The following RGS7 variants were observed in gnomAD, a reference collection of about 807,000 sequenced individuals.
The protein encoded by RGS7 is regulator of G protein signaling 7, also known as regulator of G-protein signaling 7.
Under a neutral mutation model 81.1 loss-of-function variants are expected in RGS7, and 27 were observed. That is an observed-to-expected ratio of 0.33 (90% CI 0.25 to 0.46). The LOEUF (loss-of-function observed/expected upper bound fraction) is 0.46. Among genes scored for constraint, RGS7 ranks in the 20% least tolerant of loss-of-function variants. The probability of loss-of-function intolerance (pLI) is 1.00; values close to 1 mark genes in which losing one functional copy is unlikely to be tolerated. For missense variants in RGS7, 396 were observed against 607.4 expected (o/e 0.65, Z 3.66); for synonymous variants, 208 against 207.7 (o/e 1.00, Z -0.01).
intron 2 of RGS7, among the ~76,000 whole-genome samples, chr1:241,112,478 CA>C (rs1187406621): frequency 1.6e-4 from 25 of 152,048 alleles, no homozygotes; most frequent in Non-Finnish European, 2.9e-5. Context: ...GAAGGTAGGG[CA>C]AAAGCACTTT....
At chr1:240,798,979 A>G (rs539756168) in intron 18 of RGS7, among the ~76,000 whole-genome samples, 49 of 152,232 alleles carry the variant, frequency 3.2e-4, no homozygotes, top group African/African-American at 1.1e-3. Context: ...CTCATTCTTT[A>G]TCTTCCATTA....
intron 9 of RGS7, among the ~76,000 whole-genome samples, chr1:240,836,610 T>C (rs556699542): frequency 2.5e-4 from 38 of 152,338 alleles, no homozygotes; most frequent in South Asian, 2.3e-3. Flanking sequence ...CCCTGGGTTG[T>C]ATTTACATAC....
intron 6 of RGS7, chr1:240,920,704 T>C: frequency 1.5e-6 from 1 of 653,172 alleles, no homozygotes. Context: ...CCAAGCACAG[T>C]GGTGGCAGGG....
At chr1:241,128,410 C>T (rs2066839806) in intron 2 of RGS7, among the ~76,000 whole-genome samples, 1 of 151,888 alleles carries the variant, frequency 6.6e-6, no homozygotes, top group African/African-American at 2.4e-5. Context: ...ATGGTAAAAC[C>T]CTGTCTCTAC....
intron 18 of RGS7, among the ~76,000 whole-genome samples, chr1:240,787,786 G>A (rs951914717): frequency 2.0e-5 from 3 of 152,074 alleles, no homozygotes; most frequent in South Asian, 2.1e-4. Flanking sequence ...AACAATGAAC[G>A]AAGAAACCTA....
rs2078884219 is a variant in RGS7 at position 241,287,567 on chromosome 1, T to TTTATTACCTGA, written c.78+68131_78+68132insTCAGGTAATAA. ...TTTATAAATTACCCAGCCTCAGGTA[T>TTTATTACCTGA]GTCTTTATTAGCAGTGTGAAAACAG... is the stretch of plus-strand genomic sequence containing the variant. On this transcript the variant is annotated intron_variant, in intron 2 of 18. Coordinates refer to ENST00000440928, the MANE Select transcript of RGS7 (RefSeq NM_001364886.1). Among the ~76,000 whole-genome samples, 3 of 152,318 alleles carry TTTATTACCTGA rather than the reference T, an allele frequency of 2.0e-5. No homozygotes were observed. In the South Asian group the frequency reaches 6.2e-4, roughly 32 times the overall value.
intron 2 of RGS7, among the ~76,000 whole-genome samples, chr1:241,296,348 A>G (rs2079425006): frequency 6.6e-6 from 1 of 152,228 alleles, no homozygotes; most frequent in Admixed American, 6.5e-5. Context: ...AAACACCAAC[A>G]AGAGAGTCAC....
intron 3 of RGS7, among the ~76,000 whole-genome samples, chr1:241,038,980 G>GA (rs11333892): frequency 6.6e-5 from 10 of 150,676 alleles, no homozygotes; most frequent in Admixed American, 1.3e-4. Flanking sequence ...GAAATAGAAA[G>GA]AAAAAAAAGA....
At chr1:241,235,595 TC>T (rs2075889247) in intron 2 of RGS7, among the ~76,000 whole-genome samples, 2 of 126,170 alleles carry the variant, frequency 1.6e-5, no homozygotes, top group Non-Finnish European at 3.5e-5. Context: ...CTTTCTTTCT[TC>T]CTTTATTTTT....
intron 4 of RGS7, among the ~76,000 whole-genome samples, chr1:240,974,664 C>A (rs1683789762): frequency 1.3e-5 from 2 of 152,012 alleles, no homozygotes; most frequent in African/African-American, 2.4e-5. Flanking sequence ...CAGCTCATGG[C>A]AAAGAAAAGC....
chr1:240,858,977 G>T (rs965178309), intron 9 of RGS7, among the ~76,000 whole-genome samples: 1 of 152,060 alleles, frequency 6.6e-6, no homozygotes, highest in Admixed American at 6.6e-5. Flanking sequence ...TGTTTGCTTT[G>T]GGTATTGGGG....
At chr1:241,087,974 C>A (rs12569296) in intron 3 of RGS7, among the ~76,000 whole-genome samples, 26,986 of 113,028 alleles carry the variant, frequency 0.24, 2,806 homozygotes, top group East Asian at 0.37. Context: ...CTCTCTCTCT[C>A]TCTATATATA....
chr1:241,032,048 C>T (rs1240060885), intron 3 of RGS7, among the ~76,000 whole-genome samples: 1 of 152,210 alleles, frequency 6.6e-6, no homozygotes, highest in Non-Finnish European at 1.5e-5. Context: ...GAATTCTTTG[C>T]CTACGGCAAT....
At chr1:240,940,625 A>C (rs1380995064) in intron 4 of RGS7, among the ~76,000 whole-genome samples, 1 of 152,238 alleles carries the variant, frequency 6.6e-6, no homozygotes, top group Non-Finnish European at 1.5e-5. Context: ...AGATACAAGA[A>C]GGGAAAACTG....
intron 10 of RGS7, among the ~76,000 whole-genome samples, chr1:240,826,289 G>C (rs561062336): frequency 6.6e-6 from 1 of 152,268 alleles, no homozygotes; most frequent in East Asian, 1.9e-4. Flanking sequence ...GACCATATTG[G>C]GGCCTTTGAA....
rs185855006 is a variant in RGS7, at chr1:240,778,538, T to G, written c.*7-2325A>C. ...GAAGATATTAAAGTGGTTTTTGTTT[T>G]GTTTTGTTTTTTTGAGACGGAGTCT... On this transcript the variant is annotated intron_variant, in intron 18 of 18. Coordinates refer to ENST00000440928, the MANE Select transcript of RGS7 (RefSeq NM_001364886.1). Among the ~76,000 whole-genome samples, 6 of 152,272 alleles carry G rather than the reference T, an allele frequency of 3.9e-5. No individual in the cohort carries two copies. The East Asian group carries it at 1.2e-3, about 29-fold the overall frequency.
intron 2 of RGS7, among the ~76,000 whole-genome samples, chr1:241,289,897 C>T (rs1363876835): frequency 2.0e-5 from 3 of 152,092 alleles, no homozygotes; most frequent in Non-Finnish European, 4.4e-5. Context: ...ATGTGGTCCA[C>T]AGCATCACCT....
chr1:241,005,003 G>A (rs920523394), intron 3 of RGS7, among the ~76,000 whole-genome samples: 10 of 152,224 alleles, frequency 6.6e-5, no homozygotes, highest in Admixed American at 5.2e-4. Flanking sequence ...CAATTCCAAC[G>A]TGGTAAGTGC....
At chr1:241,276,997 G>C (rs1210252252) in intron 2 of RGS7, among the ~76,000 whole-genome samples, 1 of 152,210 alleles carries the variant, frequency 6.6e-6, no homozygotes, top group Non-Finnish European at 1.5e-5. Flanking sequence ...TCCATCGTCA[G>C]CTTTTAAAAT....
Sources: gnomAD v4.1 joint callset for allele counts (sites outside exome capture counted in the v4.1 genomes callset) on GRCh38, gnomAD v4.1.1 for gene constraint, MANE v1.5 for transcripts, NCBI Gene and HGNC (gene_info 2026-07-23, HGNC 2026-07-21) for gene names.